SCNN1B: variants seen among roughly 807,000 people sequenced by gnomAD.
SCNN1B encodes the protein sodium channel epithelial 1 subunit beta, also known as epithelial sodium channel subunit beta.
Under a neutral mutation model 65.3 loss-of-function variants are expected in SCNN1B, and 46 were observed. That is an observed-to-expected ratio of 0.70 (90% CI 0.56 to 0.90). The LOEUF (loss-of-function observed/expected upper bound fraction) is 0.90, where lower values mean the gene tolerates loss of function less well. SCNN1B is among the 40% of genes least tolerant of loss of function. The probability of loss-of-function intolerance (pLI) is 0.00; values close to 1 mark genes in which losing one functional copy is unlikely to be tolerated. For synonymous variants in SCNN1B, 349 were observed against 330.6 expected (o/e 1.06, Z -0.60); for missense variants, 751 against 830.5 (o/e 0.90, Z 1.18).
Position 23,380,059 on chromosome 16 carries a change from A to C in SCNN1B, c.1467-35A>C. ...GTGTCTGTCTGTTTGGAAGGGGGAT[A>C]CATTAGTCCCGGCCCTTCTCGCTGC... On this transcript the variant is annotated intron_variant, in intron 11 of 12. Coordinates refer to ENST00000343070, the MANE Select transcript of SCNN1B (RefSeq NM_000336.3). The surrounding 1 kb of genome is among the most constrained non-coding windows in gnomAD (Gnocchi z 5.4). 1 of 1,501,890 alleles carries C rather than the reference A, an allele frequency of 6.7e-7. No homozygotes were observed. The highest frequency in any genetic ancestry group is 9.3e-7 in the Non-Finnish European group (1 of 1,077,828). 93.0% of individuals were successfully genotyped at this position (1,501,890 alleles called of 1,614,324 possible).
chr16:23,348,817 C>T lies in SCNN1B; in HGVS notation c.218C>T (p.Thr73Ile). 1 of 1,614,176 alleles carries T rather than the reference C, an allele frequency of 6.2e-7. No individual in the cohort carries two copies. The highest frequency in any genetic ancestry group is 1.1e-5 in the South Asian group (1 of 91,076). ...VCWQWGIFIR[T>I]YLSWEVSVSL... ...TGGCAGTGGGGCATCTTCATCAGGA[C>T]CTACTTGAGCTGGGAGGTCAGCGTC... The change falls in exon 2 of 13, where the codon ACC (threonine) becomes ATC (isoleucine). Residue 73 changes from threonine to isoleucine, a missense_variant. Transcript: ENST00000343070. This position sits in a 1 kb window ranked among gnomAD's most constrained non-coding sequence, Gnocchi z 4.5.
chr16:23,357,088 C>A (rs1962436403), intron 4 of SCNN1B, among the ~76,000 whole-genome samples: 1 of 152,230 alleles, frequency 6.6e-6, no homozygotes, highest in African/African-American at 2.4e-5. Flanking sequence ...TGGTATCCTC[C>A]TTGATCTGGG....
At chr16:23,298,087 G>A (rs1961022649), upstream of SCNN1B, among the ~76,000 whole-genome samples, 1 of 152,144 alleles carries the variant, frequency 6.6e-6, no homozygotes, top group Non-Finnish European at 1.5e-5. Context: ...CAAAAGGACT[G>A]TCTTTCCACA....
At position 23,380,130 on chromosome 16, in the gene SCNN1B, A is replaced by G. The variant is rs1034884253; in HGVS notation, c.1503A>G (p.Glu501=). 11 of 1,614,094 alleles carry G rather than the reference A, an allele frequency of 6.8e-6. No homozygotes were observed. Among genetic ancestry groups the G allele is most frequent in the East Asian group, 2.2e-5 (1 of 44,866 alleles). The change falls in exon 12 of 13, where the codon GAA becomes GAG. Residue 501 remains glutamate (E), a synonymous_variant. Transcript: ENST00000343070. This position sits in a 1 kb window ranked among gnomAD's most constrained non-coding sequence, Gnocchi z 5.4. ...TCAAGCTCAACATCTACTTCCAAGAATTTAACTATCGCACCATTGAAGAAT... is the reference window on the plus strand; with the variant it reads ...TCAAGCTCAACATCTACTTCCAAGAGTTTAACTATCGCACCATTGAAGAAT... ...GIVKLNIYFQ[E]FNYRTIEESA... is the part of the protein sequence containing the mutation.
At chr16:23,295,504 C>T (rs1276169898) in intron 2 of SCNN1B, among the ~76,000 whole-genome samples, 1 of 151,954 alleles carries the variant, frequency 6.6e-6, no homozygotes, top group African/African-American at 2.4e-5. Context: ...CACATGCCAC[C>T]ATGCCTAGCT....
In SCNN1B at chr16:23,380,909, C is replaced by T; in HGVS notation, c.*108C>T. On this transcript the variant is annotated 3_prime_UTR_variant, in exon 13 of 13. Transcript: ENST00000343070. The surrounding 1 kb of genome is among the most constrained non-coding windows in gnomAD (Gnocchi z 5.4). ...TCCAAAGGGTCGGGAGGGTAGCTCT[C>T]CAGGCCAGAGCTTGTGTCCTTCAAC... 1 of 1,235,894 alleles carries T rather than the reference C, an allele frequency of 8.1e-7. No individual in the cohort carries two copies. The highest frequency in any genetic ancestry group is 2.7e-4 in the Middle Eastern group (1 of 3,738). The allele number at this position is 1,235,894 out of a possible 1,614,324, so 76.6% of individuals were successfully genotyped here.
intron 4 of SCNN1B, among the ~76,000 whole-genome samples, chr16:23,366,822 C>T (rs753015818): frequency 1.1e-4 from 17 of 152,184 alleles, no homozygotes; most frequent in Non-Finnish European, 2.4e-4. Flanking sequence ...CCGCTCCCAA[C>T]CTCCTCTTAT....
intron 2 of SCNN1B, among the ~76,000 whole-genome samples, chr16:23,284,136 GGCTC>G (rs1457611571): frequency 6.6e-6 from 1 of 152,186 alleles, no homozygotes; most frequent in East Asian, 1.9e-4. Context: ...CGAGTGCAGT[GGCTC>G]GCACCTGTAA....
chr16:23,371,698 ATGCT>A, intron 6 of SCNN1B, 74 bp from the exon 7 acceptor site: 1 of 1,271,992 alleles, frequency 7.9e-7, no homozygotes, highest in Non-Finnish European at 1.2e-6. Context: ...CTGTCCCCAA[ATGCT>A]TGATAGAAGG....
intron 3 of SCNN1B, among the ~76,000 whole-genome samples, chr16:23,354,435 C>T (rs966658612): frequency 6.6e-6 from 1 of 152,242 alleles, no homozygotes; most frequent in Non-Finnish European, 1.5e-5. Flanking sequence ...GCAGGGAGAA[C>T]CAGCAGCAGC....
chr16:23,286,766 A>G (rs373376941), intron 2 of SCNN1B, among the ~76,000 whole-genome samples: 1 of 152,140 alleles, frequency 6.6e-6, no homozygotes, highest in East Asian at 1.9e-4. Context: ...AAGGGAAGCT[A>G]GTCTAGATTT....
intron 2 of SCNN1B, among the ~76,000 whole-genome samples, chr16:23,289,623 C>T (rs956409971): frequency 6.6e-6 from 1 of 151,100 alleles, no homozygotes; most frequent in East Asian, 1.9e-4. Context: ...ATCAAATGGA[C>T]CTACTGTAGG....
chr16:23,298,458 G>A (rs1480104843), upstream of SCNN1B, among the ~76,000 whole-genome samples: 2 of 152,166 alleles, frequency 1.3e-5, no homozygotes, highest in African/African-American at 4.8e-5. Context: ...TAAGGGGGCA[G>A]GTTATTCAGA....
intron 1 of SCNN1B, among the ~76,000 whole-genome samples, chr16:23,304,409 A>T (rs1774746350): frequency 6.6e-6 from 1 of 152,182 alleles, no homozygotes; most frequent in Non-Finnish European, 1.5e-5. Context: ...ATGACCAAGG[A>T]CAAACACCAC....
chr16:23,371,994 T>G, intron 7 of SCNN1B, 111 bp downstream of exon 7: 2 of 851,218 alleles, frequency 2.3e-6, no homozygotes, highest in Non-Finnish European at 4.0e-6. Context: ...CTGCTGGGCC[T>G]TTGTAGGTTG....
chr16:23,325,926 A>T (rs1034261976), intron 1 of SCNN1B, among the ~76,000 whole-genome samples: 3 of 138,012 alleles, frequency 2.2e-5, no homozygotes, highest in Non-Finnish European at 4.8e-5. Flanking sequence ...AATAAATATA[A>T]ATAAAAGCCA....
intron 1 of SCNN1B, among the ~76,000 whole-genome samples, chr16:23,324,105 G>A (rs765905373): frequency 2.0e-4 from 31 of 151,870 alleles, no homozygotes; most frequent in Non-Finnish European, 3.5e-4. Context: ...GAGGTGATGC[G>A]ATTTTGCCAA....
upstream of SCNN1B, among the ~76,000 whole-genome samples, chr16:23,298,360 G>C (rs1336181081): frequency 3.3e-5 from 5 of 152,340 alleles, no homozygotes; most frequent in African/African-American, 1.2e-4. Context: ...GTTAGGCTCT[G>C]TCCCTGCTCC....
At chr16:23,298,640 C>A (rs2141973861), upstream of SCNN1B, among the ~76,000 whole-genome samples, 1 of 152,318 alleles carries the variant, frequency 6.6e-6, no homozygotes, top group South Asian at 2.1e-4. Flanking sequence ...TCAAAACGAT[C>A]CACAGTTCTA....
Sources: gnomAD v4.1 joint callset for allele counts (sites outside exome capture counted in the v4.1 genomes callset) on GRCh38, gnomAD v4.1.1 for gene constraint, Gnocchi (gnomAD v3.1) non-coding constraint, MANE v1.5 for transcripts, NCBI Gene and HGNC (gene_info 2026-07-23, HGNC 2026-07-21) for gene names.